HPN: variants seen among roughly 807,000 people sequenced by gnomAD.
HPN encodes the protein hepsin, also known as serine protease hepsin.
A neutral mutation model predicts 55.9 loss-of-function variants in HPN; 13 were observed. The ratio of observed to expected loss-of-function variants is 0.23; its 90% CI spans 0.15 to 0.37. The LOEUF (loss-of-function observed/expected upper bound fraction) is 0.37. Among genes scored for constraint, HPN ranks in the 10% least tolerant of loss-of-function variants. HPN has a pLI of 1.00. For synonymous variants in HPN, 225 were observed against 240.3 expected (o/e 0.94, Z 0.59); for missense variants, 451 against 575.8 (o/e 0.78, Z 2.22).
rs199634123 is a variant in HPN, at chr19:35,059,705, G to A, written c.193G>A (p.Val65Ile). 1.2e-6 allele frequency: 2 copies of A among 1,600,910 alleles called. No homozygotes were observed. The highest frequency in any genetic ancestry group is 1.7e-6 in the Non-Finnish European group (2 of 1,174,514). ...CAGCTCTGCGGACGCTCGGCTCATG[G>A]TCTTTGACAAGACGGAAGGGACGTG... The part of the protein sequence containing the change: ...QVSSADARLM[V>I]FDKTEGTWRL... The change falls in exon 5 of 13, where the codon GTC becomes ATC. Residue 65 changes from valine (V) to isoleucine (I), a missense_variant. Coordinates refer to ENST00000672452, the MANE Select transcript of HPN (RefSeq NM_001384133.1).
intron 2 of HPN, among the ~76,000 whole-genome samples, chr19:35,048,678 C>T (rs748175984): frequency 2.0e-5 from 3 of 152,056 alleles, no homozygotes; most frequent in Admixed American, 6.6e-5. Context: ...AAGATCGCTT[C>T]AGCCCAGGAG....
At chr19:35,046,070 A>G (rs1273876527) in intron 2 of HPN, among the ~76,000 whole-genome samples, 1 of 152,180 alleles carries the variant, frequency 6.6e-6, no homozygotes, top group Non-Finnish European at 1.5e-5. Flanking sequence ...TCGGGAGCCA[A>G]GACCTCCTGC....
intron 2 of HPN, among the ~76,000 whole-genome samples, chr19:35,044,848 C>T (rs537418535): frequency 3.6e-4 from 55 of 151,966 alleles, no homozygotes; most frequent in Admixed American, 1.2e-3. Context: ...GTGGAGGGTG[C>T]GCTAGAAGGG....
intron 2 of HPN, among the ~76,000 whole-genome samples, chr19:35,043,849 C>T (rs1012602746): frequency 6.6e-6 from 1 of 152,232 alleles, no homozygotes; most frequent in African/African-American, 2.4e-5. Flanking sequence ...GGAAGAAAAG[C>T]AGAAAATGCC....
In HPN at chr19:35,065,890, T is replaced by C. The variant is rs781547307; in HGVS notation, c.1073T>C (p.Val358Ala). The C allele has an allele frequency of 1.5e-5, 25 of 1,613,990 alleles. No individual in the cohort carries two copies. The highest frequency in any genetic ancestry group is 1.9e-5 in the Non-Finnish European group (23 of 1,180,040). ...ACQGDSGGPF[V>A]CEDSISRTPR... ...CAGGGCGACAGCGGTGGTCCCTTTG[T>C]GTGTGAGGACAGCATCTCTCGGACG... The change falls in exon 12 of 13, where the codon GTG becomes GCG. Residue 358 changes from valine (V) to alanine (A), a missense_variant. By Grantham distance (64) the Val-to-Ala change is moderately conservative (BLOSUM62 0). This residue lies in a region of HPN where 73 missense variants were observed against 130.3 expected (regional missense o/e 0.56). Transcript: ENST00000672452.
intron 9 of HPN, 146 bp from the exon 10 acceptor site, chr19:35,065,104 G>A (rs953934323): frequency 5.3e-6 from 3 of 571,204 alleles, no homozygotes; most frequent in Admixed American, 3.2e-5. Context: ...TTACAGGCAT[G>A]AGCCACTGTG....
At position 35,060,185 on chromosome 19, in the gene HPN, T is replaced by C. The variant is rs542461888; in HGVS notation, c.454+16T>C. 4.3e-6 allele frequency: 7 copies of C among 1,613,868 alleles called. No homozygotes were observed. The South Asian group carries it at 7.7e-5, about 18-fold the overall frequency. The stretch of plus-strand genomic sequence containing the variant: ...ATCTGCCAAGGTGAGATCCTAAAAC[T>C]CAGAACCCTCTCCTTTAGGCCCTTG... On this transcript the variant is annotated intron_variant, in intron 7 of 12. Transcript: ENST00000672452.
In HPN at chr19:35,064,005, A is replaced by G. The variant is rs1421198272; in HGVS notation, c.812-1245A>G. On this transcript the variant is annotated intron_variant, in intron 9 of 12. Transcript: ENST00000672452. ...GCAATTGCTACTATTGTTGTTTAATACTTTTACTAGTTATATGAACACTTG... is the reference window on the plus strand; with the variant it reads ...GCAATTGCTACTATTGTTGTTTAATGCTTTTACTAGTTATATGAACACTTG... Among the ~76,000 whole-genome samples, 5 of 152,224 alleles carry G rather than the reference A, an allele frequency of 3.3e-5. No individual in the cohort carries two copies. In the East Asian group the frequency reaches 9.6e-4, roughly 29 times the overall value.
At chr19:35,059,483 A>T (rs938416245) in intron 4 of HPN, 190 bp from the exon 5 acceptor site, 69 of 326,244 alleles carry the variant, frequency 2.1e-4, no homozygotes, top group Non-Finnish European at 3.1e-4. Flanking sequence ...CCCTGTCTTT[A>T]AAAAAAAAAA....
Position 35,041,795 on chromosome 19 carries a change from A to G in HPN, c.-132A>G. The G allele has an allele frequency of 7.5e-7, 1 of 1,327,004 alleles. No individual in the cohort carries two copies. The highest frequency in any genetic ancestry group is 9.9e-7 in the Non-Finnish European group (1 of 1,011,950). The allele number at this position is 1,327,004 out of a possible 1,614,324, so 82.2% of individuals were successfully genotyped here. A position where few individuals can be genotyped will look rare whatever the true frequency, so the allele number is the denominator to read the frequency against. Reference sequence around the variant, plus strand: ...GGCCGCCCGCTGCTGCGGGGCCACCATGCTCCTGCCCAGGCCTGGAGACTG... The same window carrying G: ...GGCCGCCCGCTGCTGCGGGGCCACCGTGCTCCTGCCCAGGCCTGGAGACTG... On this transcript the variant is annotated 5_prime_UTR_variant, in exon 1 of 13. An upstream start codon of the reference 5' UTR is lost. Coordinates refer to ENST00000672452, the MANE Select transcript of HPN (RefSeq NM_001384133.1).
chr19:35,059,807 T>TG lies in HPN; in HGVS notation c.290+10dup. 2 of 1,560,784 alleles carry TG rather than the reference T, an allele frequency of 1.3e-6. No homozygotes were observed. The highest frequency in any genetic ancestry group is 1.7e-6 in the Non-Finnish European group (2 of 1,151,822). On this transcript the variant is annotated splice_donor_region_variant and intron_variant, in intron 5 of 12. Coordinates refer to ENST00000672452, the MANE Select transcript of HPN (RefSeq NM_001384133.1). The stretch of plus-strand genomic sequence containing the variant: ...CGAGGAGATGGGCTTCCTCAGGTAC[T>TG]GGGGGCCCTCGGAGGGGTGGGAGCC...
chr19:35,062,863 A>G (rs1441313779), intron 9 of HPN, among the ~76,000 whole-genome samples: 8 of 150,908 alleles, frequency 5.3e-5, no homozygotes, highest in African/African-American at 1.9e-4. Context: ...AGCCTGGTTG[A>G]TAGAGCGAGA....
chr19:35,048,050 AAG>A (rs2064361645), intron 2 of HPN, among the ~76,000 whole-genome samples: 2 of 52,406 alleles, frequency 3.8e-5, no homozygotes, highest in African/African-American at 2.0e-4. Context: ...GAAAGAAAGA[AAG>A]AAAGAAAGAA....
chr19:35,066,440 G>C lies in HPN; in HGVS notation c.*153G>C. The C allele has an allele frequency of 2.0e-6, 2 of 1,008,450 alleles. No individual in the cohort carries two copies. The highest frequency in any genetic ancestry group is 1.6e-5 in the South Asian group (1 of 62,652). The allele number at this position is 1,008,450 out of a possible 1,614,324, so 62.5% of individuals were successfully genotyped here. ...AGGGTCCTCTCTTCCACAGTGGCGG[G>C]CCCACTCAGCCCCGAGACCACCCAA... is the stretch of plus-strand genomic sequence containing the variant. On this transcript the variant is annotated 3_prime_UTR_variant, in exon 13 of 13. Transcript: ENST00000672452.
At chr19:35,050,910 CTTTCTTTTT>C (rs2064397521) in intron 4 of HPN, among the ~76,000 whole-genome samples, 1 of 116,796 alleles carries the variant, frequency 8.6e-6, no homozygotes, top group Admixed American at 9.7e-5. Flanking sequence ...TTCTTTCTTT[CTTTCTTTTT>C]TTTTTTTTTT....
rs1205970117 is a variant in HPN, at chr19:35,047,367, GTGTGGC to G, written c.17-1920_17-1915del. ...CACAGTGCCCTTCCTTGTGGTCTGT[GTGTGGC>G]TGGCACCTCACCTTTCAGAGCTTAG... On this transcript the variant is annotated intron_variant, in intron 2 of 12. Coordinates refer to ENST00000672452, the MANE Select transcript of HPN (RefSeq NM_001384133.1). Among the ~76,000 whole-genome samples the G allele has an allele frequency of 2.1e-4, 32 of 152,310 alleles. No individual in the cohort carries two copies. In the South Asian group the frequency reaches 6.0e-3, roughly 29 times the overall value.
At chr19:35,049,574 G>C in intron 4 of HPN, 58 bp downstream of exon 4, 2 of 1,478,650 alleles carry the variant, frequency 1.4e-6, no homozygotes, top group Non-Finnish European at 1.8e-6. Context: ...TGTATCTGGC[G>C]GGAGCTCAAC....
chr19:35,041,586 C>T (rs1177869282), upstream of HPN: 2 of 1,144,898 alleles, frequency 1.7e-6, no homozygotes, highest in African/African-American at 3.4e-5. Flanking sequence ...CAAGGCAAGC[C>T]CCGTAGCTGG....
intron 4 of HPN, among the ~76,000 whole-genome samples, chr19:35,054,974 C>T (rs1233910945): frequency 1.3e-4 from 20 of 152,092 alleles, no homozygotes; most frequent in Admixed American, 1.3e-3. Context: ...GACTCGGTTT[C>T]CCAGAATGTG....
Sources: allele counts gnomAD v4.1 joint callset (sites outside exome capture counted in the v4.1 genomes callset), GRCh38; gene constraint gnomAD v4.1.1; regional missense constraint gnomAD v4.1.1; transcripts MANE v1.5; gene names NCBI Gene and HGNC (gene_info 2026-07-23, HGNC 2026-07-21).